DLGAP1: variants seen among roughly 807,000 people sequenced by gnomAD.
DLGAP1 encodes DLG associated protein 1.
DLGAP1 carries 11 observed loss-of-function variants against 90.8 expected under a neutral mutation model. That is an observed-to-expected ratio of 0.12 (90% CI 0.08 to 0.20). The LOEUF (loss-of-function observed/expected upper bound fraction) is 0.20. Among genes scored for constraint, DLGAP1 ranks in the 10% least tolerant of loss-of-function variants. DLGAP1 has a pLI of 1.00. For synonymous variants in DLGAP1, 558 were observed against 540.7 expected, an observed-to-expected ratio of 1.03 and a Z score of -0.44; for missense variants, 1,050 against 1,333.8, an observed-to-expected ratio of 0.79 and a Z score of 3.31.
At chr18:4,016,134 T>TA (rs758993535) in intron 2 of DLGAP1, among the ~76,000 whole-genome samples, 23 of 152,248 alleles carry the variant, frequency 1.5e-4, no homozygotes, top group Non-Finnish European at 2.8e-4. Flanking sequence ...TATGACTGAA[T>TA]AACTTCTTTT....
chr18:4,268,030 C>A (rs2079169410), intron 1 of DLGAP1, among the ~76,000 whole-genome samples: 1 of 152,146 alleles, frequency 6.6e-6, no homozygotes. Context: ...GAATACCAAC[C>A]AGGAGAGGGT....
chr18:4,178,320 C>A (rs964557061), intron 1 of DLGAP1, among the ~76,000 whole-genome samples: 1 of 151,872 alleles, frequency 6.6e-6, no homozygotes, highest in African/African-American at 2.4e-5. Flanking sequence ...AAGGGATCCT[C>A]CTGCCTCGGC....
intron 4 of DLGAP1, among the ~76,000 whole-genome samples, chr18:3,865,482 G>C (rs930225550): frequency 6.6e-6 from 1 of 152,058 alleles, no homozygotes; most frequent in Non-Finnish European, 1.5e-5. Context: ...TTTCAAACAT[G>C]ACTACTTTCC....
chr18:4,287,259 T>C (rs1202367728), intron 1 of DLGAP1, among the ~76,000 whole-genome samples: 1 of 152,182 alleles, frequency 6.6e-6, no homozygotes, highest in Non-Finnish European at 1.5e-5. Flanking sequence ...CAACAGATGC[T>C]GGAGAGGATG....
intron 1 of DLGAP1, among the ~76,000 whole-genome samples, chr18:4,208,288 T>C (rs1018099723): frequency 6.6e-6 from 1 of 152,206 alleles, no homozygotes; most frequent in Non-Finnish European, 1.5e-5. Flanking sequence ...ATATTATAAA[T>C]TGTAATTGTT....
At chr18:4,191,480 C>G (rs145054959) in intron 1 of DLGAP1, among the ~76,000 whole-genome samples, 1 of 152,248 alleles carries the variant, frequency 6.6e-6, no homozygotes, top group Non-Finnish European at 1.5e-5. Flanking sequence ...AATACATTAT[C>G]CAAGCTGTGA....
rs533304505 is a variant in DLGAP1 at position 4,265,361 on chromosome 18, G to A, written c.-266-114074C>T. On this transcript the variant is annotated intron_variant, in intron 1 of 12. Coordinates refer to ENST00000315677, the MANE Select transcript of DLGAP1 (RefSeq NM_004746.4). ...TTTTTTTGTATTTTTAGTAGAGACC[G>A]GGTTTCACTGTGTTAGCCATGATGG... Among the ~76,000 whole-genome samples, 72 of 151,808 alleles carry A rather than the reference G, an allele frequency of 4.7e-4. No individual in the cohort carries two copies. The South Asian group carries it at 0.011, about 23-fold the overall frequency.
chr18:3,544,531 G>C (rs982708734), intron 9 of DLGAP1, among the ~76,000 whole-genome samples: 35 of 151,814 alleles, frequency 2.3e-4, no homozygotes, highest in African/African-American at 8.5e-4. Flanking sequence ...GTGTTACCTA[G>C]TCTCCAAAAA....
chr18:3,512,763 C>A (rs1345626281), intron 10 of DLGAP1, among the ~76,000 whole-genome samples: 1 of 152,192 alleles, frequency 6.6e-6, no homozygotes, highest in Non-Finnish European at 1.5e-5. Flanking sequence ...GTCTTCTGAC[C>A]CCAGTCTATT....
At chr18:4,066,990 C>G (rs1194075259) in intron 2 of DLGAP1, among the ~76,000 whole-genome samples, 2 of 152,136 alleles carry the variant, frequency 1.3e-5, no homozygotes, top group Non-Finnish European at 2.9e-5. Flanking sequence ...GAATACTATG[C>G]AGCCATACAA....
chr18:4,091,361 CTATT>C (rs2075771083), intron 2 of DLGAP1, among the ~76,000 whole-genome samples: 2 of 152,060 alleles, frequency 1.3e-5, no homozygotes, highest in African/African-American at 4.8e-5. Flanking sequence ...ATTTCTTTTT[CTATT>C]TATATTCTTT....
At chr18:4,417,963 G>A (rs2082940615) in intron 1 of DLGAP1, among the ~76,000 whole-genome samples, 1 of 152,162 alleles carries the variant, frequency 6.6e-6, no homozygotes, top group Non-Finnish European at 1.5e-5. Context: ...AGTGTGGAAG[G>A]AGACCTTCTC....
At chr18:3,619,433 C>T (rs1478756976) in intron 7 of DLGAP1, among the ~76,000 whole-genome samples, 1 of 152,164 alleles carries the variant, frequency 6.6e-6, no homozygotes, top group Non-Finnish European at 1.5e-5. Flanking sequence ...AGTGGGGTCA[C>T]TAAGGTCTCT....
At chr18:4,303,797 T>C (rs2080185172) in intron 1 of DLGAP1, among the ~76,000 whole-genome samples, 2 of 152,150 alleles carry the variant, frequency 1.3e-5, no homozygotes, top group African/African-American at 4.8e-5. Context: ...TTTAGTTGAG[T>C]GTATCTGAAG....
chr18:3,613,644 C>T (rs2057729861), intron 7 of DLGAP1, among the ~76,000 whole-genome samples: 1 of 152,106 alleles, frequency 6.6e-6, no homozygotes, highest in African/African-American at 2.4e-5. Context: ...CAATGTTGGC[C>T]CACAGTGTCC....
chr18:4,408,155 G>A (rs968821978), intron 1 of DLGAP1, among the ~76,000 whole-genome samples: 2 of 152,090 alleles, frequency 1.3e-5, no homozygotes, highest in African/African-American at 4.8e-5. Context: ...AAAGGGAGGC[G>A]AGTCAGGAAA....
At chr18:3,739,846 G>T (rs1789097897) in intron 6 of DLGAP1, among the ~76,000 whole-genome samples, 1 of 152,192 alleles carries the variant, frequency 6.6e-6, no homozygotes, top group South Asian at 2.1e-4. Context: ...GATGTCATTA[G>T]GAATCCATTT....
At chr18:3,523,386 A>G (rs1367147749) in intron 10 of DLGAP1, among the ~76,000 whole-genome samples, 7 of 151,886 alleles carry the variant, frequency 4.6e-5, no homozygotes, top group Non-Finnish European at 7.4e-5. Context: ...CAAAGAAAAA[A>G]AAAAATTAAA....
At chr18:3,746,585 C>G (rs763869298) in intron 5 of DLGAP1, among the ~76,000 whole-genome samples, 1 of 151,900 alleles carries the variant, frequency 6.6e-6, no homozygotes, top group Non-Finnish European at 1.5e-5. Flanking sequence ...GGTTCACATG[C>G]ATAATATTTA....
Sources: gnomAD v4.1 joint callset for allele counts (sites outside exome capture counted in the v4.1 genomes callset) on GRCh38, gnomAD v4.1.1 for gene constraint, MANE v1.5 for transcripts, NCBI Gene and HGNC (gene_info 2026-07-23, HGNC 2026-07-21) for gene names.